The following MYLK4 variants were observed in gnomAD, a reference collection of about 807,000 sequenced individuals.
MYLK4 encodes myosin light chain kinase family member 4.
In MYLK4, 46 loss-of-function variants were observed where a neutral mutation model predicts 48.1. That is an observed-to-expected ratio of 0.96 (90% confidence interval 0.75 to 1.22). MYLK4 has a LOEUF of 1.22. Ranked by LOEUF, MYLK4 falls within the 50% of genes most tolerant of loss-of-function variation. The pLI is 0.00. For synonymous variants in MYLK4, 170 were observed against 180.8 expected (o/e 0.94, Z 0.48); for missense variants, 451 against 486.1 (o/e 0.93, Z 0.68).
chr6:2,766,075 C>G, the MYLK4 span: 3 of 1,295,530 alleles, frequency 2.3e-6, no homozygotes, highest in South Asian at 7.2e-5. Flanking sequence ...CGGCGGGGAG[C>G]GCGTCTCCGC....
chr6:2,764,603 A>G, the MYLK4 span, among the ~76,000 whole-genome samples: 2 of 152,244 alleles, frequency 1.3e-5, no homozygotes, highest in Admixed American at 6.5e-5. Flanking sequence ...GATGCAGACT[A>G]CCACACTTGT....
At chr6:2,756,742 A>G in the MYLK4 span, among the ~76,000 whole-genome samples, 8 of 152,380 alleles carry the variant, frequency 5.3e-5, no homozygotes, top group African/African-American at 1.4e-4. Flanking sequence ...TGCTTGCTAC[A>G]AGGTAAAATT....
chr6:2,716,798 T>G (rs1282883845), intron 2 of MYLK4, among the ~76,000 whole-genome samples: 1 of 152,250 alleles, frequency 6.6e-6, no homozygotes, highest in Non-Finnish European at 1.5e-5. Context: ...AGGATAGTAG[T>G]TCCTATCTGA....
chr6:2,703,167 C>G (rs900836488), intron 2 of MYLK4, among the ~76,000 whole-genome samples: 3 of 152,072 alleles, frequency 2.0e-5, no homozygotes, highest in African/African-American at 7.2e-5. Flanking sequence ...CCCCCAGGAC[C>G]CTGGTCCAAT....
At chr6:2,763,789 C>T in the MYLK4 span, among the ~76,000 whole-genome samples, 18 of 152,030 alleles carry the variant, frequency 1.2e-4, no homozygotes, top group Middle Eastern at 3.4e-3. Flanking sequence ...GCGCTGAGAG[C>T]GAGCGAGGAC....
At chr6:2,667,946 T>A (rs983349158) in intron 12 of MYLK4, 47 bp from the exon 13 acceptor site, 3 of 152,622 alleles carry the variant, frequency 2.0e-5, no homozygotes, top group African/African-American at 7.2e-5. Context: ...GCAGGGTTTT[T>A]AAAATTATAA....
chr6:2,726,510 T>A (rs557651100), intron 2 of MYLK4, among the ~76,000 whole-genome samples: 5 of 152,228 alleles, frequency 3.3e-5, no homozygotes, highest in Admixed American at 6.5e-5. Flanking sequence ...CCCAGAGTTG[T>A]TAGGTCATTA....
Position 2,692,877 on chromosome 6 carries a change from A to G in MYLK4, c.160-18T>C, listed in dbSNP as rs1761865746. 1.2e-6 allele frequency: 2 copies of G among 1,607,970 alleles called. No homozygotes were observed. Among genetic ancestry groups the G allele is most frequent in the Non-Finnish European group, 1.7e-6 (2 of 1,176,410 alleles). ...TCCTTCGCCTGTGGAGGCACAATTG[A>G]GTAATTGAAGTTACATATCACATCT... On this transcript the variant is annotated intron_variant, in intron 2 of 12. Transcript: ENST00000274643.
chr6:2,745,178 A>G (rs77694539), intron 2 of MYLK4, among the ~76,000 whole-genome samples: 2,772 of 152,258 alleles, frequency 0.018, 47 homozygotes, highest in Non-Finnish European at 0.023. Flanking sequence ...CACCAGGCAC[A>G]TTTGTGTTTC....
intron 2 of MYLK4, among the ~76,000 whole-genome samples, chr6:2,705,978 T>G (rs1048502529): frequency 6.6e-6 from 1 of 151,702 alleles, no homozygotes. Context: ...TGAAATGAGA[T>G]TCTACCCAAT....
chr6:2,768,818 G>C, the MYLK4 span: 1 of 1,613,730 alleles, frequency 6.2e-7, no homozygotes, highest in South Asian at 1.1e-5. Context: ...AATGAAAAGA[G>C]CTTTTTCAAA....
intron 2 of MYLK4, among the ~76,000 whole-genome samples, chr6:2,727,378 G>C (rs974136579): frequency 4.6e-5 from 7 of 152,198 alleles, no homozygotes; most frequent in African/African-American, 1.7e-4. Context: ...GCCACGGAAA[G>C]AGCTGCCCAG....
chr6:2,681,431 C>G lies in MYLK4; in HGVS notation c.688-1140G>C, dbSNP rs530054653. The stretch of plus-strand genomic sequence containing the variant: ...ATAGAGAAGGGGGTGCTACGTGAAC[C>G]ATTTGGTTTCATGCTTAAATCACTG... On this transcript the variant is annotated intron_variant, in intron 7 of 12. Transcript: ENST00000274643. Among the ~76,000 whole-genome samples, 3 of 152,218 alleles carry G rather than the reference C, an allele frequency of 2.0e-5. No homozygotes were observed. The East Asian group carries it at 5.8e-4, about 29-fold the overall frequency.
intron 2 of MYLK4, among the ~76,000 whole-genome samples, chr6:2,728,766 G>C (rs567742755): frequency 1.3e-5 from 2 of 152,314 alleles, no homozygotes; most frequent in African/African-American, 4.8e-5. Flanking sequence ...GCTTTGACTT[G>C]ATCTGTCAAA....
At chr6:2,689,708 C>T (rs958103087) in intron 3 of MYLK4, among the ~76,000 whole-genome samples, 1 of 152,214 alleles carries the variant, frequency 6.6e-6, no homozygotes, top group African/African-American at 2.4e-5. Flanking sequence ...TGAACCTGCT[C>T]ATTCTTCGTT....
At position 2,701,965 on chromosome 6, in the gene MYLK4, C is replaced by T. The variant is rs1318405349; in HGVS notation, c.160-9106G>A. 3.9e-5 allele frequency among the ~76,000 whole-genome samples: 6 copies of T among 152,214 alleles called. No homozygotes were observed. The South Asian group carries it at 1.0e-3, about 26-fold the overall frequency. The stretch of plus-strand genomic sequence containing the variant: ...TTACATCTTGCCTCCATCCACAAGG[C>T]GTCTGAAGAGCTAATCTCGTACTTG... On this transcript the variant is annotated intron_variant, in intron 2 of 12. Coordinates refer to ENST00000274643, the MANE Select transcript of MYLK4 (RefSeq NM_001012418.5).
chr6:2,684,068 G>A (rs111712368), intron 6 of MYLK4, among the ~76,000 whole-genome samples: 2,396 of 152,192 alleles, frequency 0.016, 34 homozygotes, highest in Non-Finnish European at 0.025. Flanking sequence ...GCACAGTAAG[G>A]GATTAACAAC....
chr6:2,713,866 A>G (rs1762770337), intron 2 of MYLK4, among the ~76,000 whole-genome samples: 1 of 152,166 alleles, frequency 6.6e-6, no homozygotes, highest in Admixed American at 6.5e-5. Flanking sequence ...CAAAACACAA[A>G]TAAATCATGG....
chr6:2,713,392 A>C (rs1298437634), intron 2 of MYLK4, among the ~76,000 whole-genome samples: 1 of 152,104 alleles, frequency 6.6e-6, no homozygotes, highest in Non-Finnish European at 1.5e-5. Context: ...AAAAAAGAAA[A>C]AAAGAAAAGA....
Sources: gnomAD v4.1 joint callset for allele counts (sites outside exome capture counted in the v4.1 genomes callset) on GRCh38, gnomAD v4.1.1 for gene constraint, MANE v1.5 for transcripts, NCBI Gene and HGNC (gene_info 2026-07-23, HGNC 2026-07-21) for gene names.